Variants in ATM observed in about 807,000 individuals in gnomAD.
ATM encodes the protein ATM serine/threonine kinase.
Under a neutral mutation model 387.0 loss-of-function variants are expected in ATM, and 308 were observed. The ratio of observed to expected loss-of-function variants is 0.80; its 90% CI spans 0.73 to 0.87. ATM has a LOEUF of 0.87. Ranked by LOEUF, ATM falls within the 40% of genes least tolerant of loss-of-function variation. ATM has a pLI of 0.00. For synonymous variants in ATM, 1,156 were observed against 1,187.3 expected (o/e 0.97, Z 0.54); for missense variants, 3,312 against 3,560.9 (o/e 0.93, Z 1.78).
chr11:108,229,433 T>C, intron 4 of ATM, 110 bp downstream of exon 4: 1 of 1,094,896 alleles, frequency 9.1e-7, no homozygotes, highest in Non-Finnish European at 1.3e-6. Context: ...AAGTTTGTTC[T>C]AAATAGAATA....
intron 36 of ATM, among the ~76,000 whole-genome samples, chr11:108,303,952 TGAAAAA>T (rs1199935916): frequency 1.3e-5 from 2 of 152,286 alleles, no homozygotes; most frequent in Non-Finnish European, 2.9e-5. Context: ...GTCTTTGGTT[TGAAAAA>T]GAAAAAGGGT....
intron 51 of ATM, 48 bp from the exon 52 acceptor site, chr11:108,331,828 GATT>G (rs1330346947): frequency 2.5e-6 from 4 of 1,575,290 alleles, no homozygotes; most frequent in African/African-American, 1.4e-5. Flanking sequence ...GAAAAATATG[GATT>G]ATATTTTTTT....
At chr11:108,262,395 T>G (rs1401621085) in intron 16 of ATM, among the ~76,000 whole-genome samples, 1 of 151,972 alleles carries the variant, frequency 6.6e-6, no homozygotes, top group Non-Finnish European at 1.5e-5. Context: ...GCTTCATAAG[T>G]GAAGGAGAAA....
chr11:108,254,464 A>C (rs1211881629), intron 13 of ATM, among the ~76,000 whole-genome samples: 2 of 152,186 alleles, frequency 1.3e-5, no homozygotes, highest in Non-Finnish European at 2.9e-5. Flanking sequence ...ACTAGCAATT[A>C]TTTTAGACGT....
chr11:108,301,531 G>A (rs2135909106), intron 34 of ATM, 117 bp from the exon 35 acceptor site: 1 of 1,271,630 alleles, frequency 7.9e-7, no homozygotes, highest in Non-Finnish European at 1.1e-6. Flanking sequence ...TTTTGTAAAT[G>A]TAAAGTTTCC....
Position 108,248,988 on chromosome 11 carries a change from A to C in ATM, c.1121A>C (p.Gln374Pro), listed in dbSNP as rs1555069640. 1 of 1,613,196 alleles carries C rather than the reference A, an allele frequency of 6.2e-7. No homozygotes were observed. Among genetic ancestry groups the C allele is most frequent in the Non-Finnish European group, 8.5e-7 (1 of 1,179,160 alleles). Residue 374 changes from glutamine (Q) to proline (P), a missense_variant, in exon 9 of 63, where the codon CAA becomes CCA. Transcript: ENST00000675843. ...ATTTCTCAATCTTACACTACTACAC[A>C]AAGAGAATCTAGTGATTACAGTGTC... ...LEISQSYTTT[Q>P]RESSDYSVPC... is the part of the protein sequence containing the mutation.
At chr11:108,242,904 G>A (rs1165055453) in intron 5 of ATM, among the ~76,000 whole-genome samples, 3 of 152,056 alleles carry the variant, frequency 2.0e-5, no homozygotes, top group Non-Finnish European at 4.4e-5. Flanking sequence ...AAACTGTCAT[G>A]CTAATTTGTT....
At chr11:108,362,794 T>A (rs2090929799) in intron 61 of ATM, among the ~76,000 whole-genome samples, 1 of 111,372 alleles carries the variant, frequency 9.0e-6, no homozygotes, top group Non-Finnish European at 1.8e-5. Context: ...CTCTGGGGAC[T>A]GTGGTGGGGT....
At chr11:108,328,899 T>TAA in intron 48 of ATM, 122 bp from the exon 49 acceptor site, 1 of 1,107,714 alleles carries the variant, frequency 9.0e-7, no homozygotes, top group Non-Finnish European at 1.3e-6. Context: ...ATAGTTCATA[T>TAA]AATTTAGCTA....
rs1277085369 is a variant in ATM, at chr11:108,366,420, CTAAT to C, written c.*915_*918del. ...TGTTTTTTTAATGTTTTTTATGTCACTAATTATTTTAAATGTCTGTACTTGATAG... is the reference window on the plus strand; with the variant it reads ...TGTTTTTTTAATGTTTTTTATGTCACTATTTTAAATGTCTGTACTTGATAG... On this transcript the variant is annotated 3_prime_UTR_variant, in exon 63 of 63. Coordinates refer to ENST00000675843, the MANE Select transcript of ATM (RefSeq NM_000051.4). 5 of 218,826 alleles carry C rather than the reference CTAAT, an allele frequency of 2.3e-5. No individual in the cohort carries two copies. Among genetic ancestry groups the C allele is most frequent in the Admixed American group, 5.8e-5 (1 of 17,260 alleles). 13.6% of individuals were successfully genotyped at this position (218,826 alleles called of 1,614,324 possible).
At chr11:108,335,271 T>A (rs1024344703) in intron 55 of ATM, 162 bp downstream of exon 55, 36 of 1,523,298 alleles carry the variant, frequency 2.4e-5, no homozygotes, top group Non-Finnish European at 3.2e-5. Flanking sequence ...GAACCAGGCT[T>A]TTCTCCATTT....
At position 108,354,796 on chromosome 11, in the gene ATM, T is replaced by C. The variant is rs1057521788; in HGVS notation, c.8787-15T>C. The C allele has an allele frequency of 9.9e-6, 16 of 1,609,430 alleles. No individual in the cohort carries two copies. The highest frequency in any genetic ancestry group is 1.3e-5 in the African/African-American group (1 of 74,958). ...TGTGTAACAAAATCCGTATTTATAA[T>C]GTGTTTGACTCTAGATGCTGTGAGA... On this transcript the variant is annotated splice_polypyrimidine_tract_variant and intron_variant, in intron 60 of 62. Coordinates refer to ENST00000675843, the MANE Select transcript of ATM (RefSeq NM_000051.4).
In ATM at chr11:108,281,073, G is replaced by A. The variant is rs1565441792; in HGVS notation, c.3481G>A (p.Val1161Ile). Residue 1161 changes from valine (V) to isoleucine (I), a missense_variant, in exon 24 of 63, where the codon GTT (valine) becomes ATT (isoleucine). Val to Ile is a conservative substitution (Grantham distance 29, BLOSUM62 3). This residue lies in a region of ATM where 1,791 missense variants were observed against 1,804.5 expected (regional missense o/e 0.99). Transcript: ENST00000675843. ...KSVLLTLIAVVLSCSPICEKQ... is the reference protein window; with the variant it reads ...KSVLLTLIAVILSCSPICEKQ... ...TGTTTTACTGACGTTGATAGCTGTGGTTTTATCCTGTAGCCCTATCTGCGA... is the reference window on the plus strand; with the variant it reads ...TGTTTTACTGACGTTGATAGCTGTGATTTTATCCTGTAGCCCTATCTGCGA... 2 of 1,613,836 alleles carry A rather than the reference G, an allele frequency of 1.2e-6. No homozygotes were observed. The highest frequency in any genetic ancestry group is 1.1e-5 in the South Asian group (1 of 91,064).
chr11:108,346,429 T>C (rs1339102351), intron 58 of ATM: 2 of 152,732 alleles, frequency 1.3e-5, no homozygotes, highest in African/African-American at 2.4e-5. Flanking sequence ...AATAGGTAGA[T>C]AGTATGGTTA....
rs2086383156 is a variant in ATM, at chr11:108,332,611, TTATG to T, written c.7789-150_7789-147del. On this transcript the variant is annotated intron_variant, in intron 52 of 62. Transcript: ENST00000675843. ...AGTATGTATCTTTGATGTATTTCAT[TTATG>T]ACTGTTTTGTTTGTATCTGAGGAAT... The T allele has an allele frequency of 4.8e-6, 4 of 841,324 alleles. No homozygotes were observed. In the Admixed American group the frequency reaches 7.7e-5, roughly 16 times the overall value. The allele number at this position is 841,324 out of a possible 1,614,324, so 52.1% of individuals were successfully genotyped here.
chr11:108,281,139 A>G lies in ATM; in HGVS notation c.3547A>G (p.Asn1183Asp), dbSNP rs773290999. The G allele has an allele frequency of 6.2e-7, 1 of 1,614,028 alleles. No individual in the cohort carries two copies. Among genetic ancestry groups the G allele is most frequent in the Admixed American group, 1.7e-5 (1 of 60,018 alleles). The change falls in exon 24 of 63, where the codon AAT (asparagine) becomes GAT (aspartate). Residue 1183 changes from asparagine to aspartate, a missense_variant. This residue lies in a region of ATM where 1,791 missense variants were observed against 1,804.5 expected (regional missense o/e 0.99). Coordinates refer to ENST00000675843, the MANE Select transcript of ATM (RefSeq NM_000051.4). ...LFALCKSVKE[N>D]GLEPHLVKKV... is the part of the protein sequence containing the mutation. ...TGCCCTGTGTAAATCTGTGAAAGAG[A>G]ATGGATTAGAACCTCACCTTGTGAA...
intron 16 of ATM, among the ~76,000 whole-genome samples, chr11:108,261,357 C>A (rs1027361277): frequency 1.3e-5 from 2 of 152,290 alleles, no homozygotes; most frequent in African/African-American, 4.8e-5. Flanking sequence ...TGGGAGGCAC[C>A]CCCCAGCAGG....
chr11:108,361,644 C>T (rs1316885780), intron 61 of ATM, among the ~76,000 whole-genome samples: 1 of 151,654 alleles, frequency 6.6e-6, no homozygotes. Flanking sequence ...AATAACGCCG[C>T]ATGTCTACAA....
At chr11:108,316,753 C>CAA (rs58165074) in intron 42 of ATM, among the ~76,000 whole-genome samples, 1,710 of 72,370 alleles carry the variant, frequency 0.024, 53 homozygotes, top group African/African-American at 0.062. Flanking sequence ...ACTAAAAATA[C>CAA]AAAAAAAAAA....
Sources: gnomAD v4.1 joint callset for allele counts (sites outside exome capture counted in the v4.1 genomes callset) on GRCh38, gnomAD v4.1.1 for gene constraint, gnomAD v4.1.1 regional missense constraint, MANE v1.5 for transcripts, NCBI Gene and HGNC (gene_info 2026-07-23, HGNC 2026-07-21) for gene names.